The following KNTC1 variants were observed in gnomAD, a reference collection of about 807,000 sequenced individuals.
KNTC1 encodes kinetochore-associated protein 1.
Under a neutral mutation model 314.4 loss-of-function variants are expected in KNTC1, and 253 were observed. The ratio of observed to expected loss-of-function variants is 0.80; its 90% CI spans 0.73 to 0.89. KNTC1 has a LOEUF of 0.89. Among genes scored for constraint, KNTC1 ranks in the 40% least tolerant of loss-of-function variants. KNTC1 has a pLI of 0.00. For synonymous variants in KNTC1, 901 were observed against 901.4 expected (o/e 1.00, Z 0.01); for missense variants, 2,475 against 2,572.9 (o/e 0.96, Z 0.82).
intron 56 of KNTC1, 79 bp downstream of exon 56, chr12:122,615,165 C>T: frequency 9.8e-7 from 1 of 1,023,790 alleles, no homozygotes; most frequent in Non-Finnish European, 1.5e-6. Context: ...TGGATTGATA[C>T]TTGTTATGGA....
intron 49 of KNTC1, 62 bp downstream of exon 49, chr12:122,604,699 T>G (rs911732905): frequency 1.3e-5 from 17 of 1,315,928 alleles, no homozygotes; most frequent in Non-Finnish European, 1.6e-5. Flanking sequence ...ACTAGCTTAA[T>G]TTACCTTCTC....
At chr12:122,589,297 A>C (rs1869809702) in intron 40 of KNTC1, among the ~76,000 whole-genome samples, 1 of 151,832 alleles carries the variant, frequency 6.6e-6, no homozygotes, top group South Asian at 2.1e-4. Flanking sequence ...AGAAATCCTA[A>C]TTTTCCATTA....
At chr12:122,610,958 C>A in intron 53 of KNTC1, 58 bp downstream of exon 53, 1 of 1,267,286 alleles carries the variant, frequency 7.9e-7, no homozygotes, top group Non-Finnish European at 1.2e-6. Flanking sequence ...ACATTTTTTT[C>A]CTGTTTATTT....
At chr12:122,605,188 C>A in intron 50 of KNTC1, 101 bp downstream of exon 50, 2 of 1,061,952 alleles carry the variant, frequency 1.9e-6, no homozygotes, top group Non-Finnish European at 2.8e-6. Flanking sequence ...CTTACATATG[C>A]TTATATATGT....
chr12:122,595,660 T>A (rs75989575), intron 43 of KNTC1, among the ~76,000 whole-genome samples: 2,836 of 152,336 alleles, frequency 0.019, 85 homozygotes, highest in African/African-American at 0.059. Flanking sequence ...AAAGAGTAGT[T>A]TGAAATAACA....
At position 122,582,887 on chromosome 12, in the gene KNTC1, G is replaced by C. The variant is rs1182691141; in HGVS notation, c.3165G>C (p.Gln1055His). 1.2e-6 allele frequency: 2 copies of C among 1,613,016 alleles called. No homozygotes were observed. Among genetic ancestry groups the C allele is most frequent in the Admixed American group, 3.3e-5 (2 of 59,820 alleles). Residue 1055 changes from glutamine (Q) to histidine (H), a missense_variant, in exon 34 of 64, where the codon CAG becomes CAC. Physicochemically the swap from Gln to His is conservative, Grantham distance 24. Transcript: ENST00000333479. ...SPSMESKLHR[Q>H]ALALQMSKQE... ...GCATGGAATCAAAGCTGCACAGACA[G>C]GCACTGGCCCTGCAGATGTCCAAAC...
intron 35 of KNTC1, 35 bp from the exon 36 acceptor site, chr12:122,584,858 T>C: frequency 2.8e-6 from 3 of 1,058,632 alleles, no homozygotes; most frequent in Non-Finnish European, 4.4e-6. Flanking sequence ...AGACATGAAA[T>C]ATGAGTTTAA....
chr12:122,535,699 C>T (rs975413417), intron 3 of KNTC1, among the ~76,000 whole-genome samples: 2 of 151,498 alleles, frequency 1.3e-5, no homozygotes, highest in African/African-American at 4.8e-5. Context: ...ACCTGTAATC[C>T]CAGCTACTCA....
chr12:122,559,860 C>A (rs1963862544), intron 18 of KNTC1, among the ~76,000 whole-genome samples: 1 of 152,192 alleles, frequency 6.6e-6, no homozygotes, highest in South Asian at 2.1e-4. Context: ...TAGGCATGAG[C>A]CACTGCGCCC....
chr12:122,560,765 T>C (rs1015295734), intron 18 of KNTC1, among the ~76,000 whole-genome samples: 1 of 152,190 alleles, frequency 6.6e-6, no homozygotes, highest in Non-Finnish European at 1.5e-5. Flanking sequence ...AGTGTTCAGA[T>C]TTCTCCACCT....
intron 16 of KNTC1, among the ~76,000 whole-genome samples, chr12:122,555,420 T>G (rs907206842): frequency 6.6e-6 from 1 of 152,032 alleles, no homozygotes; most frequent in Non-Finnish European, 1.5e-5. Context: ...GGCATGGCAG[T>G]GGATGCCTGT....
chr12:122,565,918 T>C (rs1964298736), intron 20 of KNTC1, among the ~76,000 whole-genome samples: 1 of 151,912 alleles, frequency 6.6e-6, no homozygotes, highest in Non-Finnish European at 1.5e-5. Flanking sequence ...CTCTTGTATT[T>C]TTTCATTTTT....
intron 2 of KNTC1, among the ~76,000 whole-genome samples, chr12:122,532,542 G>A (rs2137648978): frequency 6.6e-6 from 1 of 152,206 alleles, no homozygotes; most frequent in Admixed American, 6.5e-5. Context: ...CTTAAAACGT[G>A]GAAGTGGCTC....
chr12:122,582,140 G>A (rs1326652143), intron 33 of KNTC1, among the ~76,000 whole-genome samples: 1 of 152,094 alleles, frequency 6.6e-6, no homozygotes, highest in Non-Finnish European at 1.5e-5. Context: ...CTGGAGGCCG[G>A]GTACAGTGGT....
intron 1 of KNTC1, among the ~76,000 whole-genome samples, chr12:122,529,367 G>T (rs1248163868): frequency 6.6e-6 from 1 of 152,124 alleles, no homozygotes; most frequent in Non-Finnish European, 1.5e-5. Flanking sequence ...TCCAAGGATT[G>T]TTTTTATCCT....
chr12:122,572,574 T>C (rs1964768494), intron 24 of KNTC1, among the ~76,000 whole-genome samples: 1 of 152,188 alleles, frequency 6.6e-6, no homozygotes, highest in Non-Finnish European at 1.5e-5. Context: ...GTTCTTTTTA[T>C]ATAATTTTAG....
intron 3 of KNTC1, among the ~76,000 whole-genome samples, chr12:122,535,019 A>C (rs542646425): frequency 1.3e-5 from 2 of 152,372 alleles, no homozygotes; most frequent in Middle Eastern, 3.4e-3. Flanking sequence ...CATGTAAAGC[A>C]ACAACTTAGT....
chr12:122,624,746 C>G (rs371413214), intron 63 of KNTC1, 58 bp downstream of exon 63: 1 of 1,213,638 alleles, frequency 8.2e-7, no homozygotes, highest in Non-Finnish European at 1.2e-6. Context: ...TTCCTAGGGC[C>G]TTAAAATTGA....
chr12:122,621,363 T>C (rs1226318529), intron 60 of KNTC1, among the ~76,000 whole-genome samples: 1 of 152,198 alleles, frequency 6.6e-6, no homozygotes, highest in Non-Finnish European at 1.5e-5. Flanking sequence ...GTTTGTTTTT[T>C]GTGTTTTGTT....
Sources: gnomAD v4.1 joint callset for allele counts (sites outside exome capture counted in the v4.1 genomes callset) on GRCh38, gnomAD v4.1.1 for gene constraint, MANE v1.5 for transcripts, NCBI Gene and HGNC (gene_info 2026-07-23, HGNC 2026-07-21) for gene names.